LRIF1: variants seen among roughly 807,000 people sequenced by gnomAD.
LRIF1 encodes the protein ligand-dependent nuclear receptor-interacting factor 1.
A neutral mutation model predicts 52.7 loss-of-function variants in LRIF1; 32 were observed. That is an observed-to-expected ratio of 0.61 (90% CI 0.46 to 0.82). The LOEUF (loss-of-function observed/expected upper bound fraction) is 0.82. Ranked by LOEUF, LRIF1 falls within the 40% of genes least tolerant of loss-of-function variation. The pLI is 0.00. For synonymous variants in LRIF1, 323 were observed against 317.4 expected, an observed-to-expected ratio of 1.02 and a Z score of -0.19; for missense variants, 887 against 892.0, an observed-to-expected ratio of 0.99 and a Z score of 0.07.
At chr1:110,959,255 T>C (rs1288348235) in intron 1 of LRIF1, among the ~76,000 whole-genome samples, 2 of 152,214 alleles carry the variant, frequency 1.3e-5, no homozygotes, top group Admixed American at 6.5e-5. Flanking sequence ...AGGCTACTAA[T>C]TCTGGTTCTT....
At chr1:110,890,531 C>A in the LRIF1 span, among the ~76,000 whole-genome samples, 1 of 151,876 alleles carries the variant, frequency 6.6e-6, no homozygotes, top group East Asian at 1.9e-4. Context: ...TGTGCCACTG[C>A]ACTCCAGCCT....
At chr1:110,959,270 T>A (rs1033130932) in intron 1 of LRIF1, among the ~76,000 whole-genome samples, 2 of 152,202 alleles carry the variant, frequency 1.3e-5, no homozygotes, top group African/African-American at 4.8e-5. Flanking sequence ...GTTCTTATAA[T>A]TACAAGTTGA....
the LRIF1 span, among the ~76,000 whole-genome samples, chr1:110,908,507 T>C: frequency 6.6e-6 from 1 of 152,126 alleles, no homozygotes; most frequent in Non-Finnish European, 1.5e-5. Context: ...AGTAAAATGG[T>C]TCAAGAGTTG....
chr1:110,963,415 C>T (rs1322992265), intron 1 of LRIF1: 4 of 387,716 alleles, frequency 1.0e-5, no homozygotes, highest in Non-Finnish European at 1.9e-5. Flanking sequence ...GCCGCTGTGT[C>T]AGGCTCTAAA....
intron 1 of LRIF1, among the ~76,000 whole-genome samples, chr1:110,958,669 TAAAA>T (rs931855611): frequency 6.6e-6 from 1 of 151,452 alleles, no homozygotes; most frequent in African/African-American, 2.4e-5. Flanking sequence ...CTCCAAAAAA[TAAAA>T]AAAAGGAAGA....
the LRIF1 span, among the ~76,000 whole-genome samples, chr1:110,924,375 T>C: frequency 6.6e-6 from 1 of 152,236 alleles, no homozygotes; most frequent in Non-Finnish European, 1.5e-5. Flanking sequence ...TCCGTTTTCA[T>C]ACTGCTATAA....
At chr1:110,960,353 A>G (rs1267417881) in intron 1 of LRIF1, among the ~76,000 whole-genome samples, 1 of 152,106 alleles carries the variant, frequency 6.6e-6, no homozygotes, top group Non-Finnish European at 1.5e-5. Flanking sequence ...GACACACTCA[A>G]ATCACAAAAT....
At chr1:110,933,560 ATTG>A in the LRIF1 span, among the ~76,000 whole-genome samples, 1 of 152,146 alleles carries the variant, frequency 6.6e-6, no homozygotes, top group Admixed American at 6.5e-5. Context: ...GAGCACAGCA[ATTG>A]CGGGGCATTG....
At position 110,953,967 on chromosome 1, in the gene LRIF1, T is replaced by C. The variant is rs188886601; in HGVS notation, c.69-1152A>G. ...TATATTAATATGTTTGTCTATAGAC[T>C]GTCTCTCATATTATATTCTACCAAT... is the stretch of plus-strand genomic sequence containing the variant. On this transcript the variant is annotated intron_variant, in intron 1 of 3. Transcript: ENST00000369763. 1.3e-3 allele frequency among the ~76,000 whole-genome samples: 202 copies of C among 152,342 alleles called. 1 individual carries two copies. The highest frequency in any genetic ancestry group is 6.8e-3 in the Middle Eastern group (2 of 294).
rs1317507477 is a variant in LRIF1 at position 110,963,883 on chromosome 1, G to A, written c.-195C>T. The A allele has an allele frequency of 8.9e-6, 4 of 450,344 alleles. No individual in the cohort carries two copies. The highest frequency in any genetic ancestry group is 5.9e-5 in the African/African-American group (3 of 51,014). The allele number at this position is 450,344 out of a possible 1,614,324, so 27.9% of individuals were successfully genotyped here. A position where few individuals can be genotyped will look rare whatever the true frequency, so the allele number is the denominator to read the frequency against. On this transcript the variant is annotated 5_prime_UTR_variant, in exon 1 of 4. Transcript: ENST00000369763. ...TCCCCAGGCTTCGGGACGAGGTCGC[G>A]CACCGCGCAGAAACCGGAAGGCTCC...
the LRIF1 span, among the ~76,000 whole-genome samples, chr1:110,918,518 A>G: frequency 8.5e-5 from 13 of 152,312 alleles, no homozygotes; most frequent in Non-Finnish European, 1.0e-4. Context: ...AACTCAGGAG[A>G]TTTAGTTTTC....
the LRIF1 span, among the ~76,000 whole-genome samples, chr1:110,876,781 T>C: frequency 1.3e-5 from 2 of 152,132 alleles, no homozygotes; most frequent in African/African-American, 2.4e-5. Flanking sequence ...TTTAAAAAAA[T>C]GACAAAATTC....
At chr1:110,929,642 T>G in the LRIF1 span, among the ~76,000 whole-genome samples, 1 of 152,208 alleles carries the variant, frequency 6.6e-6, no homozygotes, top group Non-Finnish European at 1.5e-5. Flanking sequence ...AAGTTCCTTA[T>G]AGGTGCTGGA....
chr1:110,958,347 C>T (rs149951249), intron 1 of LRIF1, among the ~76,000 whole-genome samples: 176 of 152,234 alleles, frequency 1.2e-3, no homozygotes, highest in African/African-American at 4.0e-3. Context: ...CCAGTCACTC[C>T]AGCTTAATTT....
Position 110,952,389 on chromosome 1 carries a change from AACT to A in LRIF1, c.492_494del (p.Val165del), listed in dbSNP as rs750478828. On this transcript the variant is annotated inframe_deletion, in exon 2 of 4. Coordinates refer to ENST00000369763, the MANE Select transcript of LRIF1 (RefSeq NM_018372.4). ...CAGTCACTGGAAGACTCTGGGTATT[AACT>A]ACAATAAAAGATGAGTCTTTTTGTG... The A allele has an allele frequency of 6.2e-7, 1 of 1,613,812 alleles. No individual in the cohort carries two copies. Among genetic ancestry groups the A allele is most frequent in the Non-Finnish European group, 8.5e-7 (1 of 1,179,678 alleles).
At chr1:110,935,526 A>T in the LRIF1 span, among the ~76,000 whole-genome samples, 12 of 152,242 alleles carry the variant, frequency 7.9e-5, no homozygotes, top group Admixed American at 5.2e-4. Flanking sequence ...TTTTCAGCAG[A>T]AATTTTGGAG....
downstream of LRIF1, chr1:110,945,198 A>C (rs1472721226): frequency 6.6e-6 from 1 of 152,172 alleles, no homozygotes; most frequent in Non-Finnish European, 1.5e-5. Context: ...CTTTAAAAGC[A>C]GGATTCAGAA....
At chr1:110,915,432 G>A in the LRIF1 span, among the ~76,000 whole-genome samples, 13 of 152,146 alleles carry the variant, frequency 8.5e-5, no homozygotes, top group African/African-American at 3.1e-4. Context: ...AGTTTGCAGT[G>A]AGCCGAGATA....
the LRIF1 span, among the ~76,000 whole-genome samples, chr1:110,911,196 A>C: frequency 2.6e-5 from 4 of 151,928 alleles, no homozygotes; most frequent in East Asian, 5.8e-4. Flanking sequence ...GAAAAAAAAA[A>C]CCTGGAGACT....
Sources: allele counts gnomAD v4.1 joint callset (sites outside exome capture counted in the v4.1 genomes callset), GRCh38; gene constraint gnomAD v4.1.1; transcripts MANE v1.5; gene names NCBI Gene and HGNC (gene_info 2026-07-23, HGNC 2026-07-21).